ANKRD17: variants seen among roughly 807,000 people sequenced by gnomAD.
ANKRD17 encodes ankyrin repeat domain-containing protein 17.
ANKRD17 carries 19 observed loss-of-function variants against 229.7 expected under a neutral mutation model. The ratio of observed to expected loss-of-function variants is 0.08; its 90% CI spans 0.06 to 0.12. The LOEUF is 0.12. Among genes scored for constraint, ANKRD17 ranks in the 10% least tolerant of loss-of-function variants. The probability of loss-of-function intolerance (pLI) is 1.00; values close to 1 mark genes in which losing one functional copy is unlikely to be tolerated. For synonymous variants in ANKRD17, 1,112 were observed against 1,146.1 expected, an observed-to-expected ratio of 0.97 and a Z score of 0.60; for missense variants, 2,176 against 3,176.8, an observed-to-expected ratio of 0.68 and a Z score of 7.57.
At chr4:73,116,324 A>C (rs1016521836) in intron 22 of ANKRD17, among the ~76,000 whole-genome samples, 1 of 152,158 alleles carries the variant, frequency 6.6e-6, no homozygotes, top group Non-Finnish European at 1.5e-5. Context: ...TTGTTTTTTC[A>C]TTCCTTCAGA....
intron 2 of ANKRD17, among the ~76,000 whole-genome samples, chr4:73,162,424 G>C (rs1732654677): frequency 1.3e-5 from 2 of 151,938 alleles, no homozygotes. Context: ...AGATCTCCTA[G>C]TCTCAAGTGA....
At chr4:73,189,613 A>G (rs1365570720) in intron 1 of ANKRD17, among the ~76,000 whole-genome samples, 1 of 152,102 alleles carries the variant, frequency 6.6e-6, no homozygotes, top group Non-Finnish European at 1.5e-5. Flanking sequence ...GGCGTGAGCC[A>G]TCGCACTCAG....
At position 73,102,836 on chromosome 4, in the gene ANKRD17, T is replaced by C. The variant is rs1724173896; in HGVS notation, c.4402-289A>G. 2.1e-5 allele frequency: 6 copies of C among 279,994 alleles called. No homozygotes were observed. In the South Asian group the frequency reaches 4.6e-4, roughly 21 times the overall value. 17.3% of individuals were successfully genotyped at this position (279,994 alleles called of 1,614,324 possible). A position where few individuals can be genotyped will look rare whatever the true frequency, so the allele number is the denominator to read the frequency against. ...TGTAAGTTGAACCGACAAAATACCATTTTTTGATCATTAATTTGGCGAAAT... is the reference window on the plus strand; with the variant it reads ...TGTAAGTTGAACCGACAAAATACCACTTTTTGATCATTAATTTGGCGAAAT... On this transcript the variant is annotated intron_variant, in intron 24 of 33. Transcript: ENST00000358602.
intron 25 of ANKRD17, among the ~76,000 whole-genome samples, chr4:73,099,417 T>C (rs921220598): frequency 2.6e-5 from 4 of 152,136 alleles, no homozygotes; most frequent in Admixed American, 2.6e-4. Flanking sequence ...CGTACCCTCC[T>C]GGACAATGCT....
At chr4:73,110,170 C>T (rs1349596185) in intron 24 of ANKRD17, among the ~76,000 whole-genome samples, 1 of 152,100 alleles carries the variant, frequency 6.6e-6, no homozygotes, top group African/African-American at 2.4e-5. Context: ...TTCTAACAGC[C>T]AAGAACGTAA....
At chr4:73,240,806 CT>C (rs111961579) in intron 1 of ANKRD17, among the ~76,000 whole-genome samples, 339 of 127,034 alleles carry the variant, frequency 2.7e-3, no homozygotes, top group Middle Eastern at 3.7e-3. Flanking sequence ...AGTACTTATT[CT>C]TTTTTTTTTT....
At chr4:73,231,212 A>C (rs1158268292) in intron 1 of ANKRD17, among the ~76,000 whole-genome samples, 1 of 152,166 alleles carries the variant, frequency 6.6e-6, no homozygotes, top group Non-Finnish European at 1.5e-5. Context: ...AAAAAGCTTA[A>C]ATCTAAAGAC....
intron 1 of ANKRD17, among the ~76,000 whole-genome samples, chr4:73,257,510 A>T (rs997744869): frequency 1.3e-5 from 2 of 152,208 alleles, no homozygotes; most frequent in Admixed American, 6.5e-5. Context: ...GCTTAATTCT[A>T]ACTCACTAAG....
intron 1 of ANKRD17, among the ~76,000 whole-genome samples, chr4:73,242,684 C>T (rs1744150814): frequency 1.3e-5 from 2 of 152,032 alleles, no homozygotes; most frequent in Admixed American, 1.3e-4. Context: ...TCTAAGATAC[C>T]AAACCATGCT....
chr4:73,113,265 G>A (rs961789078), intron 24 of ANKRD17: 2 of 1,289,356 alleles, frequency 1.6e-6, no homozygotes, highest in African/African-American at 3.0e-5. Context: ...CTGTTTTGGT[G>A]TATTTTACTC....
intron 1 of ANKRD17, among the ~76,000 whole-genome samples, chr4:73,189,403 G>GTTTTTTTTTTTTTTT (rs763345325): frequency 8.9e-6 from 1 of 112,700 alleles, no homozygotes; most frequent in Non-Finnish European, 1.7e-5. Context: ...TGCCTGGAAT[G>GTTTTTTTTTTTTTTT]TTTTTTTTTT....
intron 2 of ANKRD17, among the ~76,000 whole-genome samples, chr4:73,175,836 C>A (rs899521845): frequency 2.0e-5 from 3 of 151,950 alleles, no homozygotes; most frequent in African/African-American, 7.3e-5. Flanking sequence ...AACATAAGAC[C>A]TCTACTATGA....
chr4:73,129,710 CCT>C (rs922573635), intron 16 of ANKRD17, among the ~76,000 whole-genome samples: 1 of 151,532 alleles, frequency 6.6e-6, no homozygotes, highest in African/African-American at 2.4e-5. Flanking sequence ...AGAGTGAGAC[CCT>C]GTCTCAACAA....
chr4:73,139,475 C>G, intron 15 of ANKRD17, 56 bp downstream of exon 15: 1 of 1,531,158 alleles, frequency 6.5e-7, no homozygotes, highest in Non-Finnish European at 8.8e-7. Flanking sequence ...TGGGTACATT[C>G]TTACTCGCCT....
chr4:73,159,197 G>A lies in ANKRD17; in HGVS notation c.704+1995C>T, dbSNP rs535870448. ...CTGATTTCCCATTTCACAGGACACTGACAGTCCCTAGACTCAATGCTATCA... is the reference window on the plus strand; with the variant it reads ...CTGATTTCCCATTTCACAGGACACTAACAGTCCCTAGACTCAATGCTATCA... On this transcript the variant is annotated intron_variant, in intron 3 of 33. Transcript: ENST00000358602. Among the ~76,000 whole-genome samples the A allele has an allele frequency of 1.2e-4, 18 of 152,248 alleles. No individual in the cohort carries two copies. In the South Asian group the frequency reaches 2.7e-3, roughly 23 times the overall value.
intron 1 of ANKRD17, among the ~76,000 whole-genome samples, chr4:73,188,310 G>A (rs1736565720): frequency 6.6e-6 from 1 of 152,130 alleles, no homozygotes; most frequent in African/African-American, 2.4e-5. Context: ...ATTTAGGCCA[G>A]GTATGGTGGC....
intron 1 of ANKRD17, among the ~76,000 whole-genome samples, chr4:73,240,426 A>G (rs1192208234): frequency 6.6e-6 from 1 of 150,954 alleles, no homozygotes; most frequent in African/African-American, 2.4e-5. Flanking sequence ...GAGTTCTAGA[A>G]TAACTTGGGC....
chr4:73,215,838 C>T (rs986207966), intron 1 of ANKRD17, among the ~76,000 whole-genome samples: 1 of 152,042 alleles, frequency 6.6e-6, no homozygotes, highest in African/African-American at 2.4e-5. Flanking sequence ...TTTTTTTATC[C>T]TCCTAACAAT....
intron 15 of ANKRD17, 76 bp downstream of exon 15, chr4:73,139,455 G>A (rs1729341174): frequency 1.3e-6 from 2 of 1,511,716 alleles, no homozygotes; most frequent in Non-Finnish European, 1.8e-6. Flanking sequence ...TTGGGTAACG[G>A]CAAAAAATTT....
Sources: gnomAD v4.1 joint callset for allele counts (sites outside exome capture counted in the v4.1 genomes callset) on GRCh38, gnomAD v4.1.1 for gene constraint, MANE v1.5 for transcripts, NCBI Gene and HGNC (gene_info 2026-07-23, HGNC 2026-07-21) for gene names.